Variants in TSHZ2 observed in about 807,000 individuals in gnomAD.
The protein encoded by TSHZ2 is teashirt homolog 2.
A neutral mutation model predicts 74.4 loss-of-function variants in TSHZ2; 21 were observed. That is an observed-to-expected ratio of 0.28 (90% CI 0.20 to 0.41). The LOEUF is 0.41. Ranked by LOEUF, TSHZ2 falls within the 10% of genes least tolerant of loss-of-function variation. TSHZ2 has a pLI of 1.00. For synonymous variants in TSHZ2, 540 were observed against 515.3 expected (o/e 1.05, Z -0.65); for missense variants, 1,244 against 1,293.5 (o/e 0.96, Z 0.59).
chr20:53,369,300 A>AAG (rs1040570487), intron 2 of TSHZ2, among the ~76,000 whole-genome samples: 9 of 152,176 alleles, frequency 5.9e-5, no homozygotes, highest in African/African-American at 1.9e-4. Flanking sequence ...AGAGTTAGGG[A>AAG]AGTCCATGCC....
At chr20:53,234,594 A>C (rs185066493) in intron 1 of TSHZ2, among the ~76,000 whole-genome samples, 6 of 152,290 alleles carry the variant, frequency 3.9e-5, no homozygotes, top group Admixed American at 2.0e-4. Context: ...TGCAACGTTA[A>C]ATAGGGTGAC....
chr20:53,364,810 A>G (rs371888756), intron 2 of TSHZ2, among the ~76,000 whole-genome samples: 5 of 152,314 alleles, frequency 3.3e-5, no homozygotes, highest in African/African-American at 2.4e-5. Context: ...TTGCAGCAGG[A>G]GTTTTATGAC....
chr20:53,009,144 A>T (rs1026463378), intron 1 of TSHZ2, among the ~76,000 whole-genome samples: 1 of 151,896 alleles, frequency 6.6e-6, no homozygotes, highest in African/African-American at 2.4e-5. Context: ...GCCTGAAAAA[A>T]TAGTGAGACC....
chr20:53,369,347 G>C (rs1981383966), intron 2 of TSHZ2, among the ~76,000 whole-genome samples: 1 of 152,186 alleles, frequency 6.6e-6, no homozygotes, highest in South Asian at 2.1e-4. Context: ...TGCATGAATA[G>C]AGGAGGAGGT....
Position 53,074,606 on chromosome 20 carries a change from G to T in TSHZ2, c.40+101273G>T, listed in dbSNP as rs370976685. 4.6e-5 allele frequency among the ~76,000 whole-genome samples: 7 copies of T among 152,194 alleles called. No individual in the cohort carries two copies. In the East Asian group the frequency reaches 1.2e-3, roughly 25 times the overall value. Reference sequence around the variant, plus strand: ...GAAGAAAGGAAAGAAAATAGTGATTGCTATGTCTGAGTTTCAGGGACTCAT... The same window carrying T: ...GAAGAAAGGAAAGAAAATAGTGATTTCTATGTCTGAGTTTCAGGGACTCAT... On this transcript the variant is annotated intron_variant, in intron 1 of 2. Coordinates refer to ENST00000371497, the MANE Select transcript of TSHZ2 (RefSeq NM_173485.6). The surrounding 1 kb of genome is among the most constrained non-coding windows in gnomAD (Gnocchi z 5.9).
chr20:53,388,299 C>T (rs1982120816), intron 2 of TSHZ2, among the ~76,000 whole-genome samples: 1 of 152,242 alleles, frequency 6.6e-6, no homozygotes, highest in African/African-American at 2.4e-5. Context: ...TTCATTCAAA[C>T]TCACATTTCT....
chr20:52,989,516 G>T (rs1981896735), intron 1 of TSHZ2, among the ~76,000 whole-genome samples: 1 of 152,128 alleles, frequency 6.6e-6, no homozygotes, highest in Non-Finnish European at 1.5e-5. Flanking sequence ...AAATAGTTAA[G>T]GACTCTTTGA....
At position 53,001,224 on chromosome 20, in the gene TSHZ2, G is replaced by GTA. The variant is rs879650390; in HGVS notation, c.40+27892_40+27893insAT. Among the ~76,000 whole-genome samples, 986 of 147,844 alleles carry GTA rather than the reference G, an allele frequency of 6.7e-3. 6 individuals carry two copies. Among genetic ancestry groups the GTA allele is most frequent in the Middle Eastern group, 0.034 (10 of 290 alleles). On this transcript the variant is annotated intron_variant, in intron 1 of 2. Coordinates refer to ENST00000371497, the MANE Select transcript of TSHZ2 (RefSeq NM_173485.6). The stretch of plus-strand genomic sequence containing the variant: ...CATGTGCGTGTGTGTGTGTGTGTGT[G>GTA]TGTGTGTGTGTGTGTGTGTGTGTGT...
At chr20:53,349,301 A>G (rs1474033503) in intron 2 of TSHZ2, among the ~76,000 whole-genome samples, 1 of 152,250 alleles carries the variant, frequency 6.6e-6, no homozygotes, top group African/African-American at 2.4e-5. Context: ...CCCACCACAT[A>G]GCAAAGTCTT....
At chr20:53,258,618 G>A (rs1163323003) in intron 2 of TSHZ2, among the ~76,000 whole-genome samples, 2 of 152,190 alleles carry the variant, frequency 1.3e-5, no homozygotes, top group Non-Finnish European at 2.9e-5. Context: ...AATCTGGAGT[G>A]TATGATACCT....
At chr20:53,411,070 A>G (rs1983039184) in intron 2 of TSHZ2, among the ~76,000 whole-genome samples, 2 of 152,222 alleles carry the variant, frequency 1.3e-5, no homozygotes, top group Non-Finnish European at 2.9e-5. Context: ...AATGCCACTT[A>G]TGAAACACTT....
intron 1 of TSHZ2, among the ~76,000 whole-genome samples, chr20:52,985,215 G>T (rs565115979): frequency 1.5e-4 from 23 of 152,168 alleles, no homozygotes; most frequent in Middle Eastern, 3.4e-3. Flanking sequence ...TCTCTCCAAC[G>T]ATTATTTCAT....
At chr20:53,106,345 A>G (rs1600692735) in intron 1 of TSHZ2, among the ~76,000 whole-genome samples, 2 of 125,186 alleles carry the variant, frequency 1.6e-5, no homozygotes, top group South Asian at 5.7e-4. Context: ...AGCCTGGCTT[A>G]TGTCACTTAC....
At chr20:53,335,998 G>GT (rs1468548411) in intron 2 of TSHZ2, among the ~76,000 whole-genome samples, 1 of 152,146 alleles carries the variant, frequency 6.6e-6, no homozygotes, top group Non-Finnish European at 1.5e-5. Context: ...ATTTTCATCA[G>GT]TTTTTTAAAA....
At chr20:53,128,884 T>A (rs556741309) in intron 1 of TSHZ2, among the ~76,000 whole-genome samples, 16 of 152,220 alleles carry the variant, frequency 1.1e-4, no homozygotes, top group African/African-American at 3.4e-4. Context: ...CCTCCCAAAG[T>A]GCTGGGATTA....
intron 1 of TSHZ2, among the ~76,000 whole-genome samples, chr20:52,987,801 G>T (rs1449252889): frequency 1.3e-5 from 2 of 152,154 alleles, no homozygotes; most frequent in Non-Finnish European, 2.9e-5. Context: ...GGCTTTGTCT[G>T]CTTGGGAGCC....
intron 1 of TSHZ2, among the ~76,000 whole-genome samples, chr20:53,248,383 T>C (rs1284946893): frequency 6.6e-6 from 1 of 152,144 alleles, no homozygotes; most frequent in African/African-American, 2.4e-5. Flanking sequence ...CATTAACTTT[T>C]CATATGAAAG....
intron 1 of TSHZ2, among the ~76,000 whole-genome samples, chr20:53,147,803 A>G (rs1987579115): frequency 6.6e-6 from 1 of 152,062 alleles, no homozygotes. Context: ...TGCAACCTCC[A>G]CCTCCTGGGT....
chr20:53,252,019 CTG>C (rs1156366836), intron 1 of TSHZ2, among the ~76,000 whole-genome samples: 1 of 152,220 alleles, frequency 6.6e-6, no homozygotes, highest in Non-Finnish European at 1.5e-5. Context: ...GTTTCCCCCT[CTG>C]TGAAATGAAA....
Sources: gnomAD v4.1 joint callset for allele counts (sites outside exome capture counted in the v4.1 genomes callset) on GRCh38, gnomAD v4.1.1 for gene constraint, Gnocchi (gnomAD v3.1) non-coding constraint, MANE v1.5 for transcripts, NCBI Gene and HGNC (gene_info 2026-07-23, HGNC 2026-07-21) for gene names.